PAK3: variants seen among roughly 807,000 people sequenced by gnomAD.
The protein encoded by PAK3 is serine/threonine-protein kinase PAK 3.
Under a neutral mutation model 41.0 loss-of-function variants are expected in PAK3, and 4 were observed. The ratio of observed to expected loss-of-function variants is 0.10; its 90% CI spans 0.05 to 0.22. PAK3 has a LOEUF of 0.22. PAK3 is among the 10% of genes least tolerant of loss of function. The pLI is 1.00. For missense variants in PAK3, 205 were observed against 409.9 expected (o/e 0.50, Z 4.32); for synonymous variants, 146 against 139.6 (o/e 1.05, Z -0.32).
At chrX:110,957,855 C>T (rs749786804) in intron 1 of PAK3, among the ~76,000 whole-genome samples, 4 of 111,668 alleles carry the variant, frequency 3.6e-5, no homozygotes, top group Non-Finnish European at 5.6e-5. Context: ...GCTAGACATT[C>T]GGAATATTAT....
intron 11 of PAK3, among the ~76,000 whole-genome samples, chrX:111,190,553 G>A (rs748046546): frequency 6.8e-4 from 76 of 111,650 alleles, no homozygotes; most frequent in Non-Finnish European, 1.3e-3. Context: ...AGTAACTAGC[G>A]CAAAGTCACA....
intron 8 of PAK3, 109 bp from the exon 9 acceptor site, chrX:111,162,806 G>A: frequency 1.4e-6 from 1 of 731,179 alleles, no homozygotes; most frequent in African/African-American, 2.1e-5. Flanking sequence ...GAAAGATGTA[G>A]TTTCCTCCTA....
At chrX:110,991,579 A>G (rs2091648626) in intron 1 of PAK3, among the ~76,000 whole-genome samples, 1 of 112,328 alleles carries the variant, frequency 8.9e-6, no homozygotes, top group Non-Finnish European at 1.9e-5. Context: ...CTGGTACATG[A>G]TAAGCATTCA....
chrX:111,208,198 A>G (rs999141460), intron 16 of PAK3, among the ~76,000 whole-genome samples: 6 of 113,062 alleles, frequency 5.3e-5, no homozygotes, highest in Non-Finnish European at 1.1e-4. Context: ...TTTAAAAAAT[A>G]TTTTTGTACA....
intron 10 of PAK3, among the ~76,000 whole-genome samples, chrX:111,164,244 C>A (rs1401065119): frequency 9.0e-6 from 1 of 111,184 alleles, no homozygotes; most frequent in Non-Finnish European, 1.9e-5. Flanking sequence ...TGTGTACACA[C>A]TTGTTGCCCC....
intron 10 of PAK3, among the ~76,000 whole-genome samples, chrX:111,171,963 A>G (rs2094347119): frequency 9.0e-6 from 1 of 111,421 alleles, no homozygotes; most frequent in East Asian, 2.8e-4. Flanking sequence ...CATGGGTCTC[A>G]TTACTTTATG....
intron 1 of PAK3, among the ~76,000 whole-genome samples, chrX:110,998,407 G>A (rs971645900): frequency 8.0e-5 from 9 of 112,417 alleles, no homozygotes; most frequent in Non-Finnish European, 1.7e-4. Context: ...GCTCAAGTAA[G>A]ATGAGAACTG....
At chrX:110,960,453 C>A (rs2090955785) in intron 1 of PAK3, among the ~76,000 whole-genome samples, 1 of 111,862 alleles carries the variant, frequency 8.9e-6, no homozygotes, top group Non-Finnish European at 1.9e-5. Flanking sequence ...GCATTATAAA[C>A]ATAGAGAACA....
chrX:111,002,100 G>A (rs1246312034), intron 1 of PAK3, among the ~76,000 whole-genome samples: 1 of 111,678 alleles, frequency 9.0e-6, no homozygotes, highest in African/African-American at 3.3e-5. Context: ...TACTTGTTTA[G>A]TGTTATGAAG....
intron 1 of PAK3, among the ~76,000 whole-genome samples, chrX:111,015,513 TG>T (rs1187953062): frequency 9.0e-6 from 1 of 111,664 alleles, no homozygotes; most frequent in Non-Finnish European, 1.9e-5. Flanking sequence ...GTTTGCTTGA[TG>T]AATCTCCATC....
chrX:111,058,769 A>G (rs2092627505), intron 1 of PAK3, among the ~76,000 whole-genome samples: 1 of 111,555 alleles, frequency 9.0e-6, no homozygotes, highest in Admixed American at 9.5e-5. Flanking sequence ...ATTGACCCCT[A>G]TATTTTCTTC....
chrX:111,080,432 T>C lies in PAK3; in HGVS notation c.-27-42645T>C, dbSNP rs774360139. 9.8e-5 allele frequency among the ~76,000 whole-genome samples: 11 copies of C among 112,474 alleles called. No homozygotes were observed. In the East Asian group the frequency reaches 2.8e-3, roughly 28 times the overall value. On this transcript the variant is annotated intron_variant, in intron 1 of 14. Coordinates refer to the PAK3 transcript ENST00000425146. ...CATTGTTTTTAACAACAAAGTACTT[T>C]TAAATTAAGCTATGTATATTGTTCT...
At chrX:110,973,468 T>A (rs1430588171) in intron 1 of PAK3, among the ~76,000 whole-genome samples, 1 of 111,798 alleles carries the variant, frequency 8.9e-6, no homozygotes, top group East Asian at 2.8e-4. Context: ...CAAACTAATC[T>A]TCCTAAGTGA....
At chrX:111,122,235 C>T (rs748674568) in intron 4 of PAK3, among the ~76,000 whole-genome samples, 25 of 84,295 alleles carry the variant, frequency 3.0e-4, no homozygotes, top group African/African-American at 1.1e-3. Context: ...CAGCCTGGGC[C>T]ACAGGGTGAG....
chrX:111,058,297 A>C (rs1163658903), intron 1 of PAK3, among the ~76,000 whole-genome samples: 2 of 111,804 alleles, frequency 1.8e-5, no homozygotes, highest in African/African-American at 6.5e-5. Flanking sequence ...TTACAACCAG[A>C]AACGTATGAG....
intron 4 of PAK3, among the ~76,000 whole-genome samples, chrX:111,120,591 G>A (rs1190253253): frequency 2.7e-5 from 3 of 111,680 alleles, no homozygotes; most frequent in Admixed American, 9.5e-5. Context: ...ATTTTAAAGA[G>A]GTCGTGTGGC....
At chrX:111,122,255 GAAAAAAAA>G (rs747134804) in intron 4 of PAK3, among the ~76,000 whole-genome samples, 5 of 23,277 alleles carry the variant, frequency 2.1e-4, no homozygotes, top group East Asian at 1.5e-3. Context: ...GACTCCATCT[GAAAAAAAA>G]AAAAAAAAAA....
chrX:111,008,663 G>A (rs1440714347), intron 1 of PAK3, among the ~76,000 whole-genome samples: 1 of 112,515 alleles, frequency 8.9e-6, no homozygotes, highest in Non-Finnish European at 1.9e-5. Flanking sequence ...GCAACTCCTG[G>A]ATCTTCTCTG....
At chrX:111,099,140 A>G (rs2093072266) in intron 3 of PAK3, among the ~76,000 whole-genome samples, 1 of 112,337 alleles carries the variant, frequency 8.9e-6, no homozygotes, top group South Asian at 3.7e-4. Flanking sequence ...AACCAAATGA[A>G]CCTCCGGGTG....
Sources: gnomAD v4.1 joint callset for allele counts (sites outside exome capture counted in the v4.1 genomes callset) on GRCh38, gnomAD v4.1.1 for gene constraint, MANE v1.5 for transcripts, NCBI Gene and HGNC (gene_info 2026-07-23, HGNC 2026-07-21) for gene names.